Variants in THSD7A observed in about 807,000 individuals in gnomAD.
The protein encoded by THSD7A is thrombospondin type-1 domain-containing protein 7A.
A neutral mutation model predicts 231.3 loss-of-function variants in THSD7A; 96 were observed. That is an observed-to-expected ratio of 0.41 (90% CI 0.35 to 0.49). THSD7A has a LOEUF of 0.49. Ranked by LOEUF, THSD7A falls within the 20% of genes least tolerant of loss-of-function variation. The probability of loss-of-function intolerance (pLI) is 0.05; values close to 1 mark genes in which losing one functional copy is unlikely to be tolerated. For missense variants in THSD7A, 2,290 were observed against 2,070.2 expected (o/e 1.11, Z -2.06); for synonymous variants, 940 against 743.3 (o/e 1.26, Z -4.30).
intron 1 of THSD7A, among the ~76,000 whole-genome samples, chr7:11,688,951 A>G (rs1391314072): frequency 6.6e-6 from 1 of 151,896 alleles, no homozygotes; most frequent in African/African-American, 2.4e-5. Context: ...TCGTACAGAT[A>G]GAATGCAAAG....
intron 11 of THSD7A, among the ~76,000 whole-genome samples, chr7:11,447,976 G>T (rs951258725): frequency 6.6e-6 from 1 of 152,066 alleles, no homozygotes; most frequent in African/African-American, 2.4e-5. Context: ...CATTGGCATG[G>T]GAAGTATGTT....
At chr7:11,763,276 A>G (rs947863148) in intron 1 of THSD7A, among the ~76,000 whole-genome samples, 1 of 152,138 alleles carries the variant, frequency 6.6e-6, no homozygotes, top group Non-Finnish European at 1.5e-5. Context: ...GCCTTCTGTC[A>G]TCTCTGTCCT....
At chr7:11,452,694 C>T (rs976194669) in intron 11 of THSD7A, among the ~76,000 whole-genome samples, 5 of 151,842 alleles carry the variant, frequency 3.3e-5, no homozygotes, top group African/African-American at 7.3e-5. Flanking sequence ...AGACCCAGCA[C>T]GGTGCCAAGC....
chr7:11,717,448 C>T (rs761744141), intron 1 of THSD7A, among the ~76,000 whole-genome samples: 20 of 151,678 alleles, frequency 1.3e-4, no homozygotes, highest in Admixed American at 2.6e-4. Context: ...ACTCCTACCA[C>T]CACCTCACCC....
At chr7:11,618,044 C>A (rs530492080) in intron 2 of THSD7A, among the ~76,000 whole-genome samples, 1 of 152,258 alleles carries the variant, frequency 6.6e-6, no homozygotes, top group Admixed American at 6.5e-5. Flanking sequence ...CTAGAAATAT[C>A]TTTTAAAAAT....
At chr7:11,491,694 C>T (rs1786900481) in intron 6 of THSD7A, among the ~76,000 whole-genome samples, 1 of 151,986 alleles carries the variant, frequency 6.6e-6, no homozygotes, top group Admixed American at 6.6e-5. Flanking sequence ...AATTTATTGG[C>T]TTAATTAATT....
intron 1 of THSD7A, among the ~76,000 whole-genome samples, chr7:11,737,326 C>T (rs1259424102): frequency 6.6e-6 from 1 of 151,900 alleles, no homozygotes. Flanking sequence ...AAACTGGTGA[C>T]ACTTCTTTTG....
intron 1 of THSD7A, among the ~76,000 whole-genome samples, chr7:11,808,002 A>G (rs923122988): frequency 6.6e-6 from 1 of 151,936 alleles, no homozygotes; most frequent in African/African-American, 2.4e-5. Flanking sequence ...TATGCTCCCC[A>G]TTGTTTCCTG....
Position 11,462,051 on chromosome 7 carries a change from C to T in THSD7A, c.2461G>A (p.Glu821Lys), listed in dbSNP as rs369759388. Residue 821 changes from glutamate (E) to lysine (K), a missense_variant, in exon 10 of 28, where the codon GAG becomes AAG. By Grantham distance (56) the Glu-to-Lys change is moderately conservative. Coordinates refer to ENST00000423059, the MANE Select transcript of THSD7A (RefSeq NM_015204.3). ...GCTTGAGGTGCCTCACAGGCCTTCT[C>T]TTCATAGAGGGGATCTGTGCAGTCT... is the stretch of plus-strand genomic sequence containing the variant. ...GRDCTDPLYE[E>K]KACEAPQACQ... is the part of the protein sequence containing the mutation. 3.1e-6 allele frequency: 5 copies of T among 1,613,806 alleles called. No individual in the cohort carries two copies. The highest frequency in any genetic ancestry group is 4.2e-6 in the Non-Finnish European group (5 of 1,179,740).
intron 11 of THSD7A, 87 bp downstream of exon 11, chr7:11,460,575 A>G: frequency 2.0e-6 from 2 of 1,008,878 alleles, no homozygotes; most frequent in Admixed American, 4.8e-5. Context: ...TCTGTTTGCT[A>G]AGCATGGTGT....
At chr7:11,613,879 C>G (rs1186626483) in intron 2 of THSD7A, among the ~76,000 whole-genome samples, 1 of 152,180 alleles carries the variant, frequency 6.6e-6, no homozygotes, top group Non-Finnish European at 1.5e-5. Context: ...CAGTGCCACC[C>G]TTATTCAAGG....
chr7:11,805,075 G>C (rs1754966435), intron 1 of THSD7A, among the ~76,000 whole-genome samples: 1 of 152,142 alleles, frequency 6.6e-6, no homozygotes, highest in South Asian at 2.1e-4. Context: ...ATTATGTCTA[G>C]AGTTGTCACC....
chr7:11,642,523 A>T (rs899320217), intron 1 of THSD7A, among the ~76,000 whole-genome samples: 6 of 152,158 alleles, frequency 3.9e-5, no homozygotes, highest in African/African-American at 9.7e-5. Context: ...TGTGCAGAAC[A>T]CTTAGCTTGA....
At chr7:11,707,559 T>C (rs1448691304) in intron 1 of THSD7A, among the ~76,000 whole-genome samples, 1 of 151,006 alleles carries the variant, frequency 6.6e-6, no homozygotes, top group African/African-American at 2.4e-5. Context: ...TTATAATCTC[T>C]GCAAAACCTT....
intron 1 of THSD7A, among the ~76,000 whole-genome samples, chr7:11,699,161 C>T (rs573949225): frequency 2.7e-5 from 4 of 150,924 alleles, no homozygotes; most frequent in Non-Finnish European, 3.0e-5. Context: ...CCTTGAGGCA[C>T]GGAATTTCAG....
intron 1 of THSD7A, among the ~76,000 whole-genome samples, chr7:11,675,215 G>A (rs1483871805): frequency 6.6e-6 from 1 of 152,070 alleles, no homozygotes; most frequent in Non-Finnish European, 1.5e-5. Flanking sequence ...ACCCTGCTGT[G>A]AGGGACAGTG....
At chr7:11,475,184 T>G (rs192434919) in intron 7 of THSD7A, among the ~76,000 whole-genome samples, 1 of 152,256 alleles carries the variant, frequency 6.6e-6, no homozygotes, top group African/African-American at 2.4e-5. Flanking sequence ...GCTATTAGTG[T>G]GAAGAGTACT....
At chr7:11,781,490 G>A (rs752863673) in intron 1 of THSD7A, among the ~76,000 whole-genome samples, 1 of 151,796 alleles carries the variant, frequency 6.6e-6, no homozygotes, top group Non-Finnish European at 1.5e-5. Flanking sequence ...GAAAAGAAAG[G>A]GAAGGAAAAG....
At chr7:11,829,871 AACCAAGGATC>A (rs2128189384) in intron 1 of THSD7A, among the ~76,000 whole-genome samples, 1 of 151,782 alleles carries the variant, frequency 6.6e-6, no homozygotes, top group South Asian at 2.1e-4. Context: ...TTTTTTACCA[AACCAAGGATC>A]ACCAGTCAAG....
Sources: allele counts gnomAD v4.1 joint callset (sites outside exome capture counted in the v4.1 genomes callset), GRCh38; gene constraint gnomAD v4.1.1; transcripts MANE v1.5; gene names NCBI Gene and HGNC (gene_info 2026-07-23, HGNC 2026-07-21).